The following PVT1 variants were observed in gnomAD, a reference collection of about 807,000 sequenced individuals.
The protein encoded by PVT1 is Pvt1 oncogene.
At chr8:127,951,459 A>ATGC (rs1296003325) in intron 3 of PVT1, among the ~76,000 whole-genome samples, 3 of 152,190 alleles carry the variant, frequency 2.0e-5, no homozygotes, top group Admixed American at 2.0e-4. Context: ...GGCTGATCAA[A>ATGC]AGGAAGACAG....
intron 3 of PVT1, among the ~76,000 whole-genome samples, chr8:127,987,270 G>C (rs1055009054): frequency 4.6e-5 from 7 of 152,178 alleles, no homozygotes; most frequent in African/African-American, 1.7e-4. Flanking sequence ...CAGCGCACCT[G>C]GCAGACGGGT....
chr8:127,945,993 A>G (rs1816415431), intron 3 of PVT1, among the ~76,000 whole-genome samples: 2 of 152,188 alleles, frequency 1.3e-5, no homozygotes, highest in South Asian at 4.1e-4. Context: ...TGGAAAAAAG[A>G]AAGAGTTAGT....
At chr8:127,919,899 G>A (rs10097552) in intron 3 of PVT1, among the ~76,000 whole-genome samples, 4,016 of 152,216 alleles carry the variant, frequency 0.026, 198 homozygotes, top group African/African-American at 0.093. Flanking sequence ...TTATCCCTTC[G>A]CAGCGGTAGG....
chr8:127,956,947 A>G (rs546253177), intron 3 of PVT1, among the ~76,000 whole-genome samples: 1 of 152,206 alleles, frequency 6.6e-6, no homozygotes, highest in African/African-American at 2.4e-5. Flanking sequence ...TATGGTAGGC[A>G]CTATTATTAC....
chr8:127,991,075 A>G (rs1301212521), intron 4 of PVT1, among the ~76,000 whole-genome samples: 4 of 151,454 alleles, frequency 2.6e-5, no homozygotes, highest in African/African-American at 9.7e-5. Flanking sequence ...TGCTACTGCA[A>G]TGTATGTCTA....
chr8:127,933,343 G>C (rs1410050097), intron 3 of PVT1, among the ~76,000 whole-genome samples: 2 of 152,188 alleles, frequency 1.3e-5, no homozygotes, highest in African/African-American at 4.8e-5. Flanking sequence ...CCAAAGTGCT[G>C]GGGTTACAGG....
At chr8:128,060,114 G>T (rs559994951) in intron 4 of PVT1, among the ~76,000 whole-genome samples, 1 of 152,096 alleles carries the variant, frequency 6.6e-6, no homozygotes, top group African/African-American at 2.4e-5. Flanking sequence ...AAATTAGCTG[G>T]GTGTGGCAGC....
intron 4 of PVT1, chr8:128,010,532 G>A (rs566749262): frequency 2.6e-5 from 4 of 152,224 alleles, no homozygotes; most frequent in African/African-American, 7.2e-5. Flanking sequence ...TGGTCTCCAG[G>A]ACCATCTGTG....
At chr8:127,937,114 G>A (rs1373706534) in intron 3 of PVT1, among the ~76,000 whole-genome samples, 1 of 152,198 alleles carries the variant, frequency 6.6e-6, no homozygotes, top group African/African-American at 2.4e-5. Flanking sequence ...TGAGTTATCT[G>A]GTTCAGTCCC....
At chr8:127,953,854 A>G (rs1816537641) in intron 3 of PVT1, among the ~76,000 whole-genome samples, 1 of 151,396 alleles carries the variant, frequency 6.6e-6, no homozygotes, top group Non-Finnish European at 1.5e-5. Context: ...CTTTTGCTAC[A>G]GCTCACGTAG....
At chr8:127,913,239 C>G (rs927225175) in intron 3 of PVT1, among the ~76,000 whole-genome samples, 1 of 152,210 alleles carries the variant, frequency 6.6e-6, no homozygotes, top group Non-Finnish European at 1.5e-5. Flanking sequence ...GTGCCTTCTG[C>G]TGGTTTGGAG....
At chr8:127,924,572 C>T (rs1405684678) in intron 3 of PVT1, among the ~76,000 whole-genome samples, 2 of 144,452 alleles carry the variant, frequency 1.4e-5, no homozygotes, top group African/African-American at 5.2e-5. Flanking sequence ...AGTGCAGTGG[C>T]TCGATGTCGG....
In PVT1 at chr8:128,039,362, G is replaced by C. The variant is rs368842733; in HGVS notation, n.913-30798G>C. Among the ~76,000 whole-genome samples, 4 of 152,312 alleles carry C rather than the reference G, an allele frequency of 2.6e-5. No individual in the cohort carries two copies. In the East Asian group the frequency reaches 7.7e-4, roughly 29 times the overall value. On this transcript the variant is annotated intron_variant and non_coding_transcript_variant, in intron 4 of 10. Transcript: ENST00000651587. ...AGCTGGTTGGGGAATCATCCAAAGAGACAATTTCTACCCTGTGCCCACCTC... is the reference window on the plus strand; with the variant it reads ...AGCTGGTTGGGGAATCATCCAAAGACACAATTTCTACCCTGTGCCCACCTC...
intron 4 of PVT1, among the ~76,000 whole-genome samples, chr8:128,056,442 T>C (rs1813763438): frequency 6.6e-6 from 1 of 152,252 alleles, no homozygotes; most frequent in African/African-American, 2.4e-5. Flanking sequence ...TCATTGCGTG[T>C]ATACATAAAA....
chr8:128,013,557 C>G (rs543287247), intron 4 of PVT1, among the ~76,000 whole-genome samples: 1 of 152,136 alleles, frequency 6.6e-6, no homozygotes, highest in African/African-American at 2.4e-5. Flanking sequence ...ACAAGAGAGA[C>G]ACAATCTCTG....
chr8:127,816,442 C>A (rs1017698940), intron 2 of PVT1, among the ~76,000 whole-genome samples: 1 of 150,928 alleles, frequency 6.6e-6, no homozygotes, highest in East Asian at 1.9e-4. Context: ...GCCGCTATGC[C>A]AGGCCAACTC....
At chr8:127,970,475 AT>A (rs1816753547) in intron 3 of PVT1, among the ~76,000 whole-genome samples, 1 of 150,844 alleles carries the variant, frequency 6.6e-6, no homozygotes, top group South Asian at 2.1e-4. Flanking sequence ...TTTTTTTTGT[AT>A]TTTTAATAGA....
At chr8:128,052,413 G>A (rs1019501380) in intron 4 of PVT1, among the ~76,000 whole-genome samples, 1 of 152,170 alleles carries the variant, frequency 6.6e-6, no homozygotes, top group Admixed American at 6.5e-5. Flanking sequence ...TGAGTGATGT[G>A]AAACTCTTAT....
chr8:127,946,054 C>T (rs1459621590), intron 3 of PVT1, among the ~76,000 whole-genome samples: 1 of 152,188 alleles, frequency 6.6e-6, no homozygotes, highest in East Asian at 1.9e-4. Flanking sequence ...CAAAACATTG[C>T]ACCAAGGCAG....
Sources: allele counts gnomAD v4.1 joint callset (sites outside exome capture counted in the v4.1 genomes callset), GRCh38; gene constraint gnomAD v4.1.1; transcripts MANE v1.5; gene names NCBI Gene and HGNC (gene_info 2026-07-23, HGNC 2026-07-21).